The following KIF5A variants were observed in gnomAD, a reference collection of about 807,000 sequenced individuals.
KIF5A encodes kinesin heavy chain isoform 5A.
A neutral mutation model predicts 141.3 loss-of-function variants in KIF5A; 35 were observed. That is an observed-to-expected ratio of 0.25 (90% CI 0.19 to 0.33). The LOEUF (loss-of-function observed/expected upper bound fraction) is 0.33, where lower values mean the gene tolerates loss of function less well. KIF5A is among the 10% of genes least tolerant of loss of function. The pLI is 1.00. For synonymous variants in KIF5A, 448 were observed against 500.2 expected, an observed-to-expected ratio of 0.90 and a Z score of 1.39; for missense variants, 861 against 1,314.3, an observed-to-expected ratio of 0.66 and a Z score of 5.33.
rs767181570 is a variant in KIF5A at position 57,570,091 on chromosome 12, C to T, written c.1222C>T (p.Arg408Cys). Residue 408 changes from arginine (R) to cysteine (C), a missense_variant, in exon 12 of 29, where the codon CGC becomes TGC. Physicochemically the swap from Arg to Cys is radical, Grantham distance 180. Transcript: ENST00000455537. ...PVNDNSSIVV[R>C]IAPEERQKYE... is the part of the protein sequence containing the mutation. ...GAATGACAACTCATCCATCGTGGTG[C>T]GCATCGCGCCCGAGGAGCGGCAGAA... is the stretch of plus-strand genomic sequence containing the variant. 17 of 1,614,144 alleles carry T rather than the reference C, an allele frequency of 1.1e-5. No homozygotes were observed. The highest frequency in any genetic ancestry group is 6.7e-5 in the Admixed American group (4 of 60,024).
At position 57,572,666 on chromosome 12, in the gene KIF5A, C is replaced by A; in HGVS notation, c.1656C>A (p.Asn552Lys). The A allele has an allele frequency of 6.2e-7, 1 of 1,614,150 alleles. No homozygotes were observed. The highest frequency in any genetic ancestry group is 8.5e-7 in the Non-Finnish European group (1 of 1,180,022). The stretch of plus-strand genomic sequence containing the variant: ...GAAAACGAATTGCTGAGGTGCTGAA[C>A]GGGCTGATGAAGGATCTGAGCGAGT... ...HQRKRIAEVL[N>K]GLMKDLSEFS... The change falls in exon 15 of 29, where the codon AAC (asparagine) becomes AAA (lysine). Residue 552 changes from asparagine to lysine, a missense_variant. Around this residue, in one of 5 missense-constraint regions of KIF5A, gnomAD observed 482 missense variants for 661.3 expected, o/e 0.73. Coordinates refer to ENST00000455537, the MANE Select transcript of KIF5A (RefSeq NM_004984.4). This position sits in a 1 kb window ranked among gnomAD's most constrained non-coding sequence, Gnocchi z 4.2.
chr12:57,576,258 G>T lies in KIF5A; in HGVS notation c.2089-11G>T, dbSNP rs755221355. ...GTCTGGCCTTTGAGCTTGGGGTGGG[G>T]TTGTTTGCAGAAGGCTCTGGAGCTG... On this transcript the variant is annotated splice_polypyrimidine_tract_variant and intron_variant, in intron 18 of 28. Coordinates refer to ENST00000455537, the MANE Select transcript of KIF5A (RefSeq NM_004984.4). The T allele has an allele frequency of 1.2e-6, 2 of 1,613,824 alleles. No individual in the cohort carries two copies. The highest frequency in any genetic ancestry group is 1.3e-5 in the African/African-American group (1 of 75,032).
At chr12:57,575,947 A>G in intron 17 of KIF5A, 140 bp from the exon 18 acceptor site, 1 of 934,304 alleles carries the variant, frequency 1.1e-6, no homozygotes, top group Non-Finnish European at 1.8e-6. Flanking sequence ...TGTTCCTGCT[A>G]TATCAAATTG....
chr12:57,575,851 T>A, intron 17 of KIF5A, 94 bp downstream of exon 17: 1 of 1,027,164 alleles, frequency 9.7e-7, no homozygotes, highest in Non-Finnish European at 1.5e-6. Context: ...CTCAAAGCAT[T>A]AGCTTGAAAT....
rs892595748 is a variant in KIF5A at position 57,585,185 on chromosome 12, A to C, written c.*1004A>C. On this transcript the variant is annotated 3_prime_UTR_variant, in exon 29 of 29. Coordinates refer to ENST00000455537, the MANE Select transcript of KIF5A (RefSeq NM_004984.4). The stretch of plus-strand genomic sequence containing the variant: ...TCTTTCTTGTTCCATACTGGGCGGC[A>C]TGCTCCTCCCATCTCCACCCCTTGG... The C allele has an allele frequency of 1.9e-5, 3 of 153,878 alleles. No individual in the cohort carries two copies. Among genetic ancestry groups the C allele is most frequent in the Non-Finnish European group, 2.9e-5 (2 of 68,182 alleles). The allele number at this position is 153,878 out of a possible 1,614,324, so 9.5% of individuals were successfully genotyped here.
chr12:57,569,730 G>A, intron 11 of KIF5A, 47 bp downstream of exon 11: 1 of 1,604,690 alleles, frequency 6.2e-7, no homozygotes, highest in South Asian at 1.1e-5. Context: ...AAGAGGAGGA[G>A]GATGTTTGGG....
At chr12:57,567,761 A>T in intron 8 of KIF5A, 143 bp downstream of exon 8, 1 of 859,752 alleles carries the variant, frequency 1.2e-6, no homozygotes. Context: ...CCTGGGTTTA[A>T]GTGATTCTCC....
In KIF5A at chr12:57,550,454, C is replaced by T; in HGVS notation, c.129+54C>T. 1.9e-6 allele frequency: 3 copies of T among 1,595,066 alleles called. No homozygotes were observed. The highest frequency in any genetic ancestry group is 1.7e-6 in the Non-Finnish European group (2 of 1,164,552). ...GAGGGGGCAGGTGGCTGAATCTCCC[C>T]GCCCCCCGCAGAGCCTTAGTCTCTG... is the stretch of plus-strand genomic sequence containing the variant. On this transcript the variant is annotated intron_variant, in intron 1 of 28. Coordinates refer to ENST00000455537, the MANE Select transcript of KIF5A (RefSeq NM_004984.4). This position sits in a 1 kb window ranked among gnomAD's most constrained non-coding sequence, Gnocchi z 4.6.
At chr12:57,564,793 T>C in intron 5 of KIF5A, 125 bp from the exon 6 acceptor site, 1 of 946,806 alleles carries the variant, frequency 1.1e-6, no homozygotes, top group South Asian at 1.4e-5. Flanking sequence ...TGCAGGGAGT[T>C]TAGGCTTCAC....
chr12:57,555,734 C>A (rs1565692772), intron 1 of KIF5A, among the ~76,000 whole-genome samples: 3 of 150,088 alleles, frequency 2.0e-5, no homozygotes. Flanking sequence ...CATGGTGAAA[C>A]CCTGTCTGTA....
intron 8 of KIF5A, 81 bp downstream of exon 8, chr12:57,567,699 C>T (rs1411421739): frequency 4.3e-5 from 62 of 1,436,672 alleles, no homozygotes; most frequent in Non-Finnish European, 5.1e-5. Flanking sequence ...CTCACTCTGT[C>T]GCCCGGGCTG....
rs546990225 is a variant in KIF5A at position 57,572,388 on chromosome 12, A to C, written c.1569+121A>C. The C allele has an allele frequency of 1.6e-6, 2 of 1,260,434 alleles. No homozygotes were observed. The highest frequency in any genetic ancestry group is 3.0e-5 in the African/African-American group (2 of 67,516). 78.1% of individuals were successfully genotyped at this position (1,260,434 alleles called of 1,614,324 possible). A position where few individuals can be genotyped will look rare whatever the true frequency, so the allele number is the denominator to read the frequency against. ...GCACCTCTGCACTGCTGTTCAGTGC[A>C]TTGTGAGTCCCTCCCCAACCCTGTC... On this transcript the variant is annotated intron_variant, in intron 14 of 28. Coordinates refer to ENST00000455537, the MANE Select transcript of KIF5A (RefSeq NM_004984.4). The surrounding 1 kb of genome is among the most constrained non-coding windows in gnomAD (Gnocchi z 4.2).
intron 4 of KIF5A, 109 bp downstream of exon 4, chr12:57,564,321 C>T (rs1881999076): frequency 2.8e-6 from 3 of 1,089,728 alleles, no homozygotes; most frequent in Non-Finnish European, 4.3e-6. Flanking sequence ...TTTCCGGTTA[C>T]CAGAGTTCTT....
chr12:57,584,153 C>G (rs1211515701), intron 28 of KIF5A, 65 bp from the exon 29 acceptor site: 11 of 152,556 alleles, frequency 7.2e-5, no homozygotes, highest in African/African-American at 1.2e-4. Context: ...CAGATGCCAC[C>G]TGTTCCTGTT....
chr12:57,570,131 T>C lies in KIF5A; in HGVS notation c.1262T>C (p.Ile421Thr). The change falls in exon 12 of 29, where the codon ATC (isoleucine) becomes ACC (threonine). Residue 421 changes from isoleucine (I) to threonine (T), a missense_variant. This residue lies in a region of KIF5A where 167 missense variants were observed against 192.0 expected (regional missense o/e 0.87). Coordinates refer to ENST00000455537, the MANE Select transcript of KIF5A (RefSeq NM_004984.4). ...PEERQKYEEE[I>T]RRLYKQLDDK... ...GAGCGGCAGAAATACGAGGAGGAGA[T>C]CCGCCGTCTCTATAAGCAGCTTGAC... 2 of 1,614,000 alleles carry C rather than the reference T, an allele frequency of 1.2e-6. No individual in the cohort carries two copies. The highest frequency in any genetic ancestry group is 1.7e-6 in the Non-Finnish European group (2 of 1,180,010).
intron 9 of KIF5A, 74 bp downstream of exon 9, chr12:57,569,141 T>C (rs1882163591): frequency 6.5e-7 from 1 of 1,549,838 alleles, no homozygotes; most frequent in Admixed American, 1.7e-5. Flanking sequence ...TGCCACCATA[T>C]GATCATGCCC....
In KIF5A at chr12:57,572,781, A is replaced by C; in HGVS notation, c.1716+55A>C. 1 of 1,605,788 alleles carries C rather than the reference A, an allele frequency of 6.2e-7. No individual in the cohort carries two copies. Among genetic ancestry groups the C allele is most frequent in the Non-Finnish European group, 8.5e-7 (1 of 1,172,500 alleles). On this transcript the variant is annotated intron_variant, in intron 15 of 28. Transcript: ENST00000455537. The surrounding 1 kb of genome is among the most constrained non-coding windows in gnomAD (Gnocchi z 4.2). ...AGGCTGGGCACTAGTGGAAGACGCA[A>C]GATGAGCCATCCAGGCCTTCACAGA... is the stretch of plus-strand genomic sequence containing the variant.
rs1882448083 is a variant in KIF5A at position 57,576,982 on chromosome 12, TATG to T, written c.2300+124_2300+126del. 1.8e-5 allele frequency: 13 copies of T among 733,972 alleles called. No individual in the cohort carries two copies. In the East Asian group the frequency reaches 3.7e-4, roughly 21 times the overall value. 45.5% of individuals were successfully genotyped at this position (733,972 alleles called of 1,614,324 possible). A position where few individuals can be genotyped will look rare whatever the true frequency, so the allele number is the denominator to read the frequency against. On this transcript the variant is annotated intron_variant, in intron 20 of 28. Transcript: ENST00000455537. ...ATGATAGGGTGACTCATGGGAAAAATATGATGGGGTAGGGACGGGACCAAAAGG... is the reference window on the plus strand; with the variant it reads ...ATGATAGGGTGACTCATGGGAAAAATATGGGGTAGGGACGGGACCAAAAGG...
chr12:57,582,971 G>T, intron 27 of KIF5A, 130 bp from the exon 28 acceptor site: 1 of 794,262 alleles, frequency 1.3e-6, no homozygotes. Context: ...GAGTTTCCCT[G>T]TATTCCTGTA....
Sources: allele counts gnomAD v4.1 joint callset (sites outside exome capture counted in the v4.1 genomes callset), GRCh38; gene constraint gnomAD v4.1.1; regional missense constraint gnomAD v4.1.1; non-coding constraint Gnocchi (gnomAD v3.1); transcripts MANE v1.5; gene names NCBI Gene and HGNC (gene_info 2026-07-23, HGNC 2026-07-21).